Variants in MTDH observed in about 807,000 individuals in gnomAD.
MTDH encodes protein LYRIC.
In MTDH, 34 loss-of-function variants were observed where a neutral mutation model predicts 72.7. The observed-to-expected ratio is 0.47, with a 90% CI of 0.36 to 0.62. The LOEUF is 0.62. Among genes scored for constraint, MTDH ranks in the 20% least tolerant of loss-of-function variants. MTDH has a pLI of 0.00. For synonymous variants in MTDH, 266 were observed against 268.9 expected (o/e 0.99, Z 0.10); for missense variants, 677 against 699.4 (o/e 0.97, Z 0.36).
intron 1 of MTDH, among the ~76,000 whole-genome samples, chr8:97,652,044 GACT>G (rs1357231622): frequency 1.3e-5 from 2 of 152,068 alleles, no homozygotes; most frequent in Non-Finnish European, 2.9e-5. Flanking sequence ...TATTCAATCT[GACT>G]ACTTTTTCTA....
intron 8 of MTDH, among the ~76,000 whole-genome samples, chr8:97,707,726 A>C (rs949903035): frequency 6.6e-6 from 1 of 152,056 alleles, no homozygotes; most frequent in Admixed American, 6.6e-5. Flanking sequence ...TGTCAATACA[A>C]AGGGAAAGGA....
At chr8:97,682,599 C>T (rs1813181045) in intron 2 of MTDH, among the ~76,000 whole-genome samples, 1 of 151,758 alleles carries the variant, frequency 6.6e-6, no homozygotes. Context: ...CCGCACCTGG[C>T]CTTTTGTTAA....
intron 2 of MTDH, among the ~76,000 whole-genome samples, chr8:97,667,925 C>T (rs1812456319): frequency 6.6e-6 from 1 of 151,084 alleles, no homozygotes; most frequent in Admixed American, 6.6e-5. Flanking sequence ...TTTCTAATGA[C>T]GTTAGTTGGT....
At chr8:97,668,900 A>ATGT (rs1434418773) in intron 2 of MTDH, among the ~76,000 whole-genome samples, 1 of 151,784 alleles carries the variant, frequency 6.6e-6, no homozygotes, top group East Asian at 1.9e-4. Context: ...TTTTGGTGTA[A>ATGT]TGTTTTTCCC....
intron 2 of MTDH, among the ~76,000 whole-genome samples, chr8:97,678,955 G>A (rs1373445893): frequency 6.6e-6 from 1 of 152,068 alleles, no homozygotes; most frequent in East Asian, 1.9e-4. Flanking sequence ...TTACATCATT[G>A]CATGATTTGT....
At chr8:97,654,245 G>T (rs1184743697) in intron 1 of MTDH, among the ~76,000 whole-genome samples, 1 of 152,330 alleles carries the variant, frequency 6.6e-6, no homozygotes, top group East Asian at 1.9e-4. Context: ...AATTGGGGTT[G>T]AACTGTGTCT....
At chr8:97,686,585 A>G in intron 2 of MTDH, 83 bp from the exon 3 acceptor site, 1 of 773,962 alleles carries the variant, frequency 1.3e-6, no homozygotes, top group Non-Finnish European at 1.9e-6. Context: ...TGTCAGCATC[A>G]TACATTTCAT....
chr8:97,718,466 G>A (rs1375881255), intron 9 of MTDH, among the ~76,000 whole-genome samples: 2 of 151,660 alleles, frequency 1.3e-5, no homozygotes, highest in African/African-American at 2.4e-5. Flanking sequence ...TTTATTCCTT[G>A]AAGTTGTTAA....
chr8:97,695,200 C>T (rs187732859), intron 6 of MTDH, among the ~76,000 whole-genome samples: 257 of 151,600 alleles, frequency 1.7e-3, no homozygotes, highest in African/African-American at 5.9e-3. Flanking sequence ...CCTCACCTCC[C>T]GGGTCCCAGT....
rs1341347818 is a variant in MTDH at position 97,726,862 on chromosome 8, C to T, written c.*2192C>T. ...GGCCGAGGCAGGTGGATCACGAGGTCAGGAGTTCAAGACCAGCCTGGCCAA... is the reference window on the plus strand; with the variant it reads ...GGCCGAGGCAGGTGGATCACGAGGTTAGGAGTTCAAGACCAGCCTGGCCAA... On this transcript the variant is annotated 3_prime_UTR_variant, in exon 12 of 12. Coordinates refer to ENST00000336273, the MANE Select transcript of MTDH (RefSeq NM_178812.4). 2.0e-5 allele frequency: 3 copies of T among 151,600 alleles called. No homozygotes were observed. The highest frequency in any genetic ancestry group is 1.3e-4 in the Admixed American group (2 of 15,200). The allele number at this position is 151,600 out of a possible 1,614,324, so 9.4% of individuals were successfully genotyped here.
intron 1 of MTDH, among the ~76,000 whole-genome samples, chr8:97,648,239 G>A (rs1052158103): frequency 1.5e-4 from 23 of 151,814 alleles, no homozygotes; most frequent in Admixed American, 1.5e-3. Flanking sequence ...TTTTTACTGG[G>A]CTCAGTTCTT....
rs36101443 is a variant in MTDH at position 97,663,748 on chromosome 8, C to CAAAAA, written c.483+2591_483+2595dup. On this transcript the variant is annotated intron_variant, in intron 2 of 11. Coordinates refer to ENST00000336273, the MANE Select transcript of MTDH (RefSeq NM_178812.4). The stretch of plus-strand genomic sequence containing the variant: ...TGGGCGACAGAGCAAGACTCTGTCT[C>CAAAAA]AAAAAAAAAAAAAAAAAAAAGACTT... 9.3e-5 allele frequency among the ~76,000 whole-genome samples: 8 copies of CAAAAA among 85,976 alleles called. 2 individuals are homozygous for CAAAAA. Among genetic ancestry groups the CAAAAA allele is most frequent in the African/African-American group, 2.5e-4 (6 of 24,100 alleles). The allele number at this position is 85,976 out of a possible 152,430, so 56.4% of individuals were successfully genotyped here. A position where few individuals can be genotyped will look rare whatever the true frequency, so the allele number is the denominator to read the frequency against.
At chr8:97,647,046 C>G (rs1811591615) in intron 1 of MTDH, among the ~76,000 whole-genome samples, 3 of 152,134 alleles carry the variant, frequency 2.0e-5, no homozygotes. Flanking sequence ...TATGGGGTAG[C>G]TTTACAGGGC....
chr8:97,683,249 A>G (rs1813214449), intron 2 of MTDH, among the ~76,000 whole-genome samples: 1 of 151,142 alleles, frequency 6.6e-6, no homozygotes, highest in African/African-American at 2.4e-5. Flanking sequence ...TATTTTTAGT[A>G]GAGATGGGTT....
chr8:97,692,541 TA>T (rs1349753145), intron 6 of MTDH, among the ~76,000 whole-genome samples: 9 of 150,154 alleles, frequency 6.0e-5, no homozygotes, highest in African/African-American at 2.2e-4. Context: ...CTCAGCTAAT[TA>T]TTTTTTTGTA....
intron 7 of MTDH, among the ~76,000 whole-genome samples, chr8:97,705,211 C>T (rs1007024770): frequency 2.0e-5 from 3 of 151,096 alleles, no homozygotes; most frequent in Non-Finnish European, 4.4e-5. Context: ...GCAGGAGAAT[C>T]GCTTGAACCC....
chr8:97,669,074 T>G (rs1206717599), intron 2 of MTDH, among the ~76,000 whole-genome samples: 2 of 152,234 alleles, frequency 1.3e-5, no homozygotes, highest in African/African-American at 4.8e-5. Flanking sequence ...CAGCTTTATT[T>G]TGAGATAAGC....
At chr8:97,662,152 CTT>C (rs964912855) in intron 2 of MTDH, among the ~76,000 whole-genome samples, 4 of 151,018 alleles carry the variant, frequency 2.6e-5, no homozygotes, top group Non-Finnish European at 5.9e-5. Context: ...GAGAAAAAGA[CTT>C]TTCATTCAGT....
intron 7 of MTDH, among the ~76,000 whole-genome samples, chr8:97,703,619 T>TAATG (rs1814227294): frequency 6.6e-6 from 1 of 152,210 alleles, no homozygotes; most frequent in South Asian, 2.1e-4. Flanking sequence ...AAAGTATTAT[T>TAATG]AATGAATGGT....
Sources: allele counts gnomAD v4.1 joint callset (sites outside exome capture counted in the v4.1 genomes callset), GRCh38; gene constraint gnomAD v4.1.1; transcripts MANE v1.5; gene names NCBI Gene and HGNC (gene_info 2026-07-23, HGNC 2026-07-21).